The following SLC45A1 variants were observed in gnomAD, a reference collection of about 807,000 sequenced individuals.
SLC45A1 encodes the protein solute carrier family 45 member 1.
A neutral mutation model predicts 57.6 loss-of-function variants in SLC45A1; 28 were observed. The ratio of observed to expected loss-of-function variants is 0.49; its 90% confidence interval spans 0.36 to 0.67. The LOEUF (loss-of-function observed/expected upper bound fraction) is 0.67, where lower values mean the gene tolerates loss of function less well. Ranked by LOEUF, SLC45A1 falls within the 30% of genes least tolerant of loss-of-function variation. The pLI is 0.00. For synonymous variants in SLC45A1, 459 were observed against 471.5 expected, an observed-to-expected ratio of 0.97 and a Z score of 0.34; for missense variants, 814 against 1,041.5, an observed-to-expected ratio of 0.78 and a Z score of 3.01.
rs780196979 is a variant in SLC45A1 at position 8,318,129 on chromosome 1, G to C, written c.-82G>C. Reference sequence around the variant, plus strand: ...GGGTGATGCTGCAGCAGCCGGGACCGCGGCCGGGCAGGCAGCAGCCCAGCG... The same window carrying C: ...GGGTGATGCTGCAGCAGCCGGGACCCCGGCCGGGCAGGCAGCAGCCCAGCG... On this transcript the variant is annotated 5_prime_UTR_variant, in exon 1 of 9. Coordinates refer to ENST00000471889, the MANE Select transcript of SLC45A1 (RefSeq NM_001080397.3). The C allele has an allele frequency of 2.1e-6, 1 of 468,054 alleles. No homozygotes were observed. Among genetic ancestry groups the C allele is most frequent in the South Asian group, 4.2e-5 (1 of 23,756 alleles). The allele number at this position is 468,054 out of a possible 1,614,324, so 29.0% of individuals were successfully genotyped here.
rs1446864116 is a variant in SLC45A1, at chr1:8,325,057, C to T, written c.398-241C>T. On this transcript the variant is annotated intron_variant, in intron 2 of 8. Transcript: ENST00000471889. This position sits in a 1 kb window ranked among gnomAD's most constrained non-coding sequence, Gnocchi z 6.3. The stretch of plus-strand genomic sequence containing the variant: ...AATTTCTTGGATTCCCAAGGAAAGT[C>T]GTGGCTGCTTAGGGCCTTAGGGTCC... Among the ~76,000 whole-genome samples, 3 of 152,180 alleles carry T rather than the reference C, an allele frequency of 2.0e-5. No individual in the cohort carries two copies. Among genetic ancestry groups the T allele is most frequent in the African/African-American group, 4.8e-5 (2 of 41,446 alleles).
chr1:8,333,574 TACAGG>T, intron 5 of SLC45A1, among the ~76,000 whole-genome samples: 1 of 152,298 alleles, frequency 6.6e-6, no homozygotes, highest in South Asian at 2.1e-4. Flanking sequence ...TAGCAGGGAC[TACAGG>T]TGTGCACCAC....
At chr1:8,339,832 A>G (rs1039519973) in intron 8 of SLC45A1, 134 bp downstream of exon 8, 7 of 845,218 alleles carry the variant, frequency 8.3e-6, no homozygotes, top group African/African-American at 3.3e-5. Context: ...AGAGCATGAA[A>G]CCAAGGGGGG....
chr1:8,318,665 C>CG (rs913940798), intron 1 of SLC45A1, among the ~76,000 whole-genome samples: 1 of 152,194 alleles, frequency 6.6e-6, no homozygotes, highest in African/African-American at 2.4e-5. Flanking sequence ...CCAAGGGGAA[C>CG]GCGCTGAGGT....
rs938163608 is a variant in SLC45A1, at chr1:8,343,920, G to A, written c.2154G>A (p.Leu718=). 5.6e-6 allele frequency: 9 copies of A among 1,614,004 alleles called. No individual in the cohort carries two copies. Among genetic ancestry groups the A allele is most frequent in the South Asian group, 1.1e-5 (1 of 91,086 alleles). ...VMYFSSLVSF[L]GCLYSSLFVI... The stretch of plus-strand genomic sequence containing the variant: ...ACTTCTCCAGCCTCGTGTCCTTCCT[G>A]GGCTGCCTGTACTCCTCCCTGTTTG... Residue 718 remains leucine, a synonymous_variant, in exon 9 of 9, where the codon CTG becomes CTA. Coordinates refer to ENST00000471889, the MANE Select transcript of SLC45A1 (RefSeq NM_001080397.3). This position sits in a 1 kb window ranked among gnomAD's most constrained non-coding sequence, Gnocchi z 7.7.
intron 1 of SLC45A1, among the ~76,000 whole-genome samples, chr1:8,321,314 T>C (rs1189373551): frequency 6.6e-6 from 1 of 152,198 alleles, no homozygotes; most frequent in African/African-American, 2.4e-5. Flanking sequence ...CGTGGTATTT[T>C]CCAAAGCCAC....
Position 8,327,335 on chromosome 1 carries a change from T to C in SLC45A1, c.715+1293T>C, listed in dbSNP as rs1372789326. Among the ~76,000 whole-genome samples the C allele has an allele frequency of 6.6e-6, 1 of 152,028 alleles. No individual in the cohort carries two copies. ...AACAGGAGAAATGTTCCCATCAAAG[T>C]CAGGAATGAGGCAAGAATGCACCCA... On this transcript the variant is annotated intron_variant, in intron 4 of 8. Coordinates refer to ENST00000471889, the MANE Select transcript of SLC45A1 (RefSeq NM_001080397.3). The surrounding 1 kb of genome is among the most constrained non-coding windows in gnomAD (Gnocchi z 4.3).
intron 7 of SLC45A1, among the ~76,000 whole-genome samples, chr1:8,338,558 G>T (rs1180117061): frequency 6.6e-6 from 1 of 152,252 alleles, no homozygotes; most frequent in Non-Finnish European, 1.5e-5. Context: ...TTTTATCCCA[G>T]AGGTCCGCAT....
chr1:8,340,043 T>G (rs1398125271), intron 8 of SLC45A1, among the ~76,000 whole-genome samples: 2 of 152,184 alleles, frequency 1.3e-5, no homozygotes, highest in African/African-American at 4.8e-5. Flanking sequence ...GTGGGGCTTA[T>G]GGGGAGGCAG....
Position 8,325,762 on chromosome 1 carries a change from C to T in SLC45A1, c.491-56C>T, listed in dbSNP as rs905087056. ...GATTCTAGACATAAGTCGTGAGCTG[C>T]CGGGGACAGAGCTGGTCTGCATTTT... On this transcript the variant is annotated intron_variant, in intron 3 of 8. Coordinates refer to ENST00000471889, the MANE Select transcript of SLC45A1 (RefSeq NM_001080397.3). The surrounding 1 kb of genome is among the most constrained non-coding windows in gnomAD (Gnocchi z 6.3). The T allele has an allele frequency of 4.0e-6, 6 of 1,500,352 alleles. 1 individual carries two copies. In the South Asian group the frequency reaches 6.8e-5, roughly 17 times the overall value. 92.9% of individuals were successfully genotyped at this position (1,500,352 alleles called of 1,614,324 possible).
intron 5 of SLC45A1, among the ~76,000 whole-genome samples, chr1:8,331,325 T>C (rs1485172695): frequency 1.8e-5 from 2 of 112,124 alleles, no homozygotes; most frequent in South Asian, 6.9e-4. Context: ...AAAACACTTT[T>C]AAAAAATATT....
In SLC45A1 at chr1:8,330,691, A is replaced by G. The variant is rs757302694; in HGVS notation, c.1198A>G (p.Ile400Val). Residue 400 changes from isoleucine to valine, a missense_variant, in exon 5 of 9, where the codon ATC becomes GTC. By Grantham distance (29) the Ile-to-Val change is conservative (BLOSUM62 3). Coordinates refer to ENST00000471889, the MANE Select transcript of SLC45A1 (RefSeq NM_001080397.3). The surrounding 1 kb of genome is among the most constrained non-coding windows in gnomAD (Gnocchi z 8.4). ...CCCTGGCAGCGTCCCCAGGCCGCCCATCAGCGTCAGCTTCCCCCGGGCCCC... is the reference window on the plus strand; with the variant it reads ...CCCTGGCAGCGTCCCCAGGCCGCCCGTCAGCGTCAGCTTCCCCCGGGCCCC... Reference protein sequence around the residue: ...AIPGSVPRPPISVSFPRAPDG... With the variant: ...AIPGSVPRPPVSVSFPRAPDG... The G allele has an allele frequency of 6.8e-6, 11 of 1,613,110 alleles. No individual in the cohort carries two copies. The highest frequency in any genetic ancestry group is 1.7e-5 in the Admixed American group (1 of 60,002).
chr1:8,344,088 G>A lies in SLC45A1; in HGVS notation c.*75G>A. 1.4e-6 allele frequency: 2 copies of A among 1,414,688 alleles called. No homozygotes were observed. Among genetic ancestry groups the A allele is most frequent in the Non-Finnish European group, 1.9e-6 (2 of 1,047,216 alleles). The allele number at this position is 1,414,688 out of a possible 1,614,324, so 87.6% of individuals were successfully genotyped here. A position where few individuals can be genotyped will look rare whatever the true frequency, so the allele number is the denominator to read the frequency against. On this transcript the variant is annotated 3_prime_UTR_variant, in exon 9 of 9. Coordinates refer to ENST00000471889, the MANE Select transcript of SLC45A1 (RefSeq NM_001080397.3). ...GCAGGCCGACCAGTGAGGACCAAAG[G>A]GCCTTGTTGGACAGGGGGACTGGCT...
At chr1:8,331,346 AC>A (rs1640403051) in intron 5 of SLC45A1, among the ~76,000 whole-genome samples, 2 of 85,620 alleles carry the variant, frequency 2.3e-5, no homozygotes, top group African/African-American at 8.8e-5. Flanking sequence ...TTTAAAAAAC[AC>A]TTTTAAAAAA....
intron 4 of SLC45A1, among the ~76,000 whole-genome samples, chr1:8,329,093 C>T (rs12141444): frequency 0.081 from 12,284 of 152,076 alleles, 684 homozygotes; most frequent in Non-Finnish European, 0.11. Flanking sequence ...TGAAAAGGCC[C>T]GTCTGGGACA....
Position 8,335,708 on chromosome 1 carries a change from C to A in SLC45A1, c.1597+118C>A. 1 of 1,177,182 alleles carries A rather than the reference C, an allele frequency of 8.5e-7. No individual in the cohort carries two copies. Among genetic ancestry groups the A allele is most frequent in the Non-Finnish European group, 1.2e-6 (1 of 865,010 alleles). The allele number at this position is 1,177,182 out of a possible 1,614,324, so 72.9% of individuals were successfully genotyped here. A position where few individuals can be genotyped will look rare whatever the true frequency, so the allele number is the denominator to read the frequency against. On this transcript the variant is annotated intron_variant, in intron 6 of 8. Transcript: ENST00000471889. This position sits in a 1 kb window ranked among gnomAD's most constrained non-coding sequence, Gnocchi z 4.1. ...CAGAACCTTTCTGAGTTCACCAGCCCCCAACAACAGCACCAAGGGCAGGCC... is the reference window on the plus strand; with the variant it reads ...CAGAACCTTTCTGAGTTCACCAGCCACCAACAACAGCACCAAGGGCAGGCC...
Position 8,326,006 on chromosome 1 carries a change from CAGGA to C in SLC45A1, c.680_683del (p.Gln227ProfsTer4). 1 of 1,607,830 alleles carries C rather than the reference CAGGA, an allele frequency of 6.2e-7. No individual in the cohort carries two copies. Among genetic ancestry groups the C allele is most frequent in the Non-Finnish European group, 8.5e-7 (1 of 1,179,992 alleles). On this transcript the variant is annotated frameshift_variant, in exon 4 of 9. Coordinates refer to ENST00000471889, the MANE Select transcript of SLC45A1 (RefSeq NM_001080397.3). LOFTEE classifies it high-confidence loss of function. This position sits in a 1 kb window ranked among gnomAD's most constrained non-coding sequence, Gnocchi z 5.5. ...GATGGACGTGTGCAGCCCCGCAGAC[CAGGA>C]CCGAGGCCTGAACATCCACGCCCTC... is the stretch of plus-strand genomic sequence containing the variant.
chr1:8,336,747 TA>T (rs1321524984), intron 6 of SLC45A1, among the ~76,000 whole-genome samples: 5 of 152,220 alleles, frequency 3.3e-5, no homozygotes, highest in Admixed American at 6.5e-5. Flanking sequence ...GTCTATTTAA[TA>T]ATTCTTGATG....
intron 1 of SLC45A1, among the ~76,000 whole-genome samples, chr1:8,323,259 G>A (rs1235584027): frequency 3.9e-5 from 6 of 152,100 alleles, no homozygotes; most frequent in Non-Finnish European, 5.9e-5. Context: ...TTGGGAGGCC[G>A]AGGTGGGCAG....
Sources: allele counts gnomAD v4.1 joint callset (sites outside exome capture counted in the v4.1 genomes callset), GRCh38; gene constraint gnomAD v4.1.1; non-coding constraint Gnocchi (gnomAD v3.1); transcripts MANE v1.5; gene names NCBI Gene and HGNC (gene_info 2026-07-23, HGNC 2026-07-21).